MEIOB: variants seen among roughly 807,000 people sequenced by gnomAD.
MEIOB encodes the protein meiosis-specific with OB domain-containing protein.
Under a neutral mutation model 53.1 loss-of-function variants are expected in MEIOB, and 50 were observed. That is an observed-to-expected ratio of 0.94 (90% CI 0.75 to 1.19). The LOEUF (loss-of-function observed/expected upper bound fraction) is 1.19. Among genes scored for constraint, MEIOB ranks in the 50% most tolerant of loss-of-function variants. MEIOB has a pLI of 0.00. For synonymous variants in MEIOB, 192 were observed against 182.5 expected (o/e 1.05, Z -0.42); for missense variants, 551 against 550.8 (o/e 1.00, Z 0.00).
intron 9 of MEIOB, among the ~76,000 whole-genome samples, chr16:1,851,808 C>T (rs1742419): frequency 0.83 from 125,641 of 152,154 alleles, 52,003 homozygotes; most frequent in Middle Eastern, 0.9. Context: ...AGACCAGCAG[C>T]GTGAGCGTAT....
chr16:1,850,083 T>G (rs1899126819), intron 9 of MEIOB, among the ~76,000 whole-genome samples: 1 of 152,226 alleles, frequency 6.6e-6, no homozygotes, highest in African/African-American at 2.4e-5. Flanking sequence ...CTTTGACATT[T>G]TTTTCTTTGA....
intron 5 of MEIOB, among the ~76,000 whole-genome samples, chr16:1,860,108 A>G (rs1262404608): frequency 6.6e-6 from 1 of 152,246 alleles, no homozygotes; most frequent in East Asian, 1.9e-4. Context: ...GAAAAAAGAC[A>G]GATGTAATTT....
intron 5 of MEIOB, among the ~76,000 whole-genome samples, chr16:1,859,709 G>A (rs544269270): frequency 6.6e-6 from 1 of 152,268 alleles, no homozygotes; most frequent in African/African-American, 2.4e-5. Flanking sequence ...GGTCACAGTT[G>A]ATGCGAGTGT....
At chr16:1,861,446 T>C (rs1899439993) in intron 4 of MEIOB, among the ~76,000 whole-genome samples, 1 of 151,080 alleles carries the variant, frequency 6.6e-6, no homozygotes, top group Non-Finnish European at 1.5e-5. Flanking sequence ...AAATATGTAA[T>C]AAACCAAAGA....
intron 3 of MEIOB, among the ~76,000 whole-genome samples, chr16:1,864,516 T>C (rs1285761418): frequency 1.3e-5 from 2 of 149,984 alleles, no homozygotes; most frequent in African/African-American, 2.5e-5. Flanking sequence ...GAGACAGAGT[T>C]TCACTCTTGC....
chr16:1,853,389 T>C, intron 7 of MEIOB, 118 bp from the exon 8 acceptor site: 1 of 765,172 alleles, frequency 1.3e-6, no homozygotes, highest in South Asian at 1.7e-5. Flanking sequence ...ATCCCCAAGG[T>C]GGTCAAAGAC....
chr16:1,870,289 G>A (rs1596989274), intron 1 of MEIOB, among the ~76,000 whole-genome samples: 1 of 152,180 alleles, frequency 6.6e-6, no homozygotes, highest in Non-Finnish European at 1.5e-5. Context: ...AATATCAGAT[G>A]AACGAAATGG....
chr16:1,841,902 C>G lies in MEIOB; in HGVS notation c.952G>C (p.Asp318His), dbSNP rs75546096. Residue 318 changes from aspartate (D) to histidine (H), a missense_variant, in exon 11 of 14, where the codon GAT (aspartate) becomes CAT (histidine). Transcript: ENST00000325962. Reference sequence around the variant, plus strand: ...GCATAAAGGATGCCATAGGAAGGATCAGCTTTTCCTTCATTCTTCAAAGCT... The same window carrying G: ...GCATAAAGGATGCCATAGGAAGGATGAGCTTTTCCTTCATTCTTCAAAGCT... ...GKALKNEGKADPSYGILYAYI... is the reference protein window; with the variant it reads ...GKALKNEGKAHPSYGILYAYI... 6.2e-7 allele frequency: 1 copy of G among 1,607,692 alleles called. No homozygotes were observed. Among genetic ancestry groups the G allele is most frequent in the Non-Finnish European group, 8.5e-7 (1 of 1,176,286 alleles).
intron 9 of MEIOB, among the ~76,000 whole-genome samples, 192 bp downstream of exon 9, chr16:1,852,847 C>G (rs986763738): frequency 6.6e-6 from 1 of 152,224 alleles, no homozygotes; most frequent in Non-Finnish European, 1.5e-5. Flanking sequence ...TGAGCCACCA[C>G]GTCCGACCTC....
rs71145499 is a variant in MEIOB, at chr16:1,856,161, AT to A, written c.528+1573del. ...AGGTACCTGCCACCATGCCCAGCTA[AT>A]TTTTTTTTTTTGAGACGGAGTCTCG... On this transcript the variant is annotated intron_variant, in intron 6 of 13. Coordinates refer to ENST00000325962, the MANE Select transcript of MEIOB (RefSeq NM_001163560.3). Among the ~76,000 whole-genome samples the A allele has an allele frequency of 1.1e-4, 16 of 143,440 alleles. No homozygotes were observed. The South Asian group carries it at 2.4e-3, about 22-fold the overall frequency. The allele number at this position is 143,440 out of a possible 152,430, so 94.1% of individuals were successfully genotyped here. A position where few individuals can be genotyped will look rare whatever the true frequency, so the allele number is the denominator to read the frequency against.
chr16:1,837,633 C>G (rs1898785065), intron 13 of MEIOB, 151 bp downstream of exon 13: 1 of 482,264 alleles, frequency 2.1e-6, no homozygotes, highest in Non-Finnish European at 3.7e-6. Flanking sequence ...TGGCTATTTC[C>G]TTTGCTTTTA....
chr16:1,848,544 C>CTTTTTTT (rs749481002), intron 9 of MEIOB, among the ~76,000 whole-genome samples: 11 of 129,736 alleles, frequency 8.5e-5, no homozygotes, highest in African/African-American at 2.6e-4. Context: ...TTTTTTTTTC[C>CTTTTTTT]TTTTTTTTTT....
At chr16:1,856,166 T>TG (rs1899296169) in intron 6 of MEIOB, among the ~76,000 whole-genome samples, 1 of 150,622 alleles carries the variant, frequency 6.6e-6, no homozygotes, top group Non-Finnish European at 1.5e-5. Flanking sequence ...AGCTAATTTT[T>TG]TTTTTTTGAG....
rs1161616242 is a variant in MEIOB at position 1,865,923 on chromosome 16, G to A, written c.70-88C>T. ...TTCATGGGCTTGTTATACTTTACTG[G>A]CTCTAACAAACATTTCTGACTAGGA... On this transcript the variant is annotated intron_variant, in intron 2 of 13. Transcript: ENST00000325962. 6.2e-5 allele frequency: 52 copies of A among 840,718 alleles called. No individual in the cohort carries two copies. The South Asian group carries it at 8.9e-4, about 14-fold the overall frequency. The allele number at this position is 840,718 out of a possible 1,614,324, so 52.1% of individuals were successfully genotyped here. A position where few individuals can be genotyped will look rare whatever the true frequency, so the allele number is the denominator to read the frequency against.
intron 11 of MEIOB, among the ~76,000 whole-genome samples, chr16:1,841,462 A>C (rs777399484): frequency 5.3e-5 from 8 of 152,184 alleles, no homozygotes; most frequent in Non-Finnish European, 8.8e-5. Flanking sequence ...CTACAGGCGC[A>C]TGCTACTGCA....
intron 6 of MEIOB, 35 bp from the exon 7 acceptor site, chr16:1,854,235 A>C: frequency 7.9e-7 from 1 of 1,260,398 alleles, no homozygotes; most frequent in Non-Finnish European, 1.1e-6. Context: ...CTCTTCACCT[A>C]TATGTAGAAG....
chr16:1,845,803 G>C (rs1254308144), intron 9 of MEIOB, among the ~76,000 whole-genome samples: 3 of 152,168 alleles, frequency 2.0e-5, no homozygotes, highest in African/African-American at 4.8e-5. Context: ...AGGAACGCGA[G>C]TTTGGAAAGA....
In MEIOB at chr16:1,855,571, G is replaced by A. The variant is rs192282902; in HGVS notation, c.529-1371C>T. ...TCACTGAGGGGGTGGGAAAGCTGCCGCAGTTTCCTGCTTATACTACTATAT... is the reference window on the plus strand; with the variant it reads ...TCACTGAGGGGGTGGGAAAGCTGCCACAGTTTCCTGCTTATACTACTATAT... On this transcript the variant is annotated intron_variant, in intron 6 of 13. Coordinates refer to ENST00000325962, the MANE Select transcript of MEIOB (RefSeq NM_001163560.3). Among the ~76,000 whole-genome samples the A allele has an allele frequency of 1.2e-4, 18 of 152,326 alleles. No individual in the cohort carries two copies. The East Asian group carries it at 2.1e-3, about 18-fold the overall frequency.
chr16:1,858,160 T>C (rs1039669937), intron 5 of MEIOB, among the ~76,000 whole-genome samples: 5 of 152,172 alleles, frequency 3.3e-5, no homozygotes, highest in African/African-American at 1.2e-4. Context: ...AACATACCAT[T>C]TGTCTGATCT....
Sources: allele counts gnomAD v4.1 joint callset (sites outside exome capture counted in the v4.1 genomes callset), GRCh38; gene constraint gnomAD v4.1.1; transcripts MANE v1.5; gene names NCBI Gene and HGNC (gene_info 2026-07-23, HGNC 2026-07-21).